The following L3MBTL4 variants were observed in gnomAD, a reference collection of about 807,000 sequenced individuals.
L3MBTL4 encodes the protein lethal(3)malignant brain tumor-like protein 4.
Under a neutral mutation model 84.5 loss-of-function variants are expected in L3MBTL4, and 70 were observed. The observed-to-expected ratio is 0.83, with a 90% CI of 0.68 to 1.01. The LOEUF is 1.01. L3MBTL4 is among the 50% of genes least tolerant of loss of function. The probability of loss-of-function intolerance (pLI) is 0.00; values close to 1 mark genes in which losing one functional copy is unlikely to be tolerated. For synonymous variants in L3MBTL4, 274 were observed against 259.8 expected (o/e 1.05, Z -0.52); for missense variants, 715 against 754.8 (o/e 0.95, Z 0.62).
At chr18:6,361,719 TC>T (rs2053701932) in intron 1 of L3MBTL4, among the ~76,000 whole-genome samples, 4 of 152,150 alleles carry the variant, frequency 2.6e-5, no homozygotes, top group Non-Finnish European at 5.9e-5. Flanking sequence ...CTGGCTGCAG[TC>T]CTATGCAGGG....
At chr18:6,302,233 C>CAGGG (rs1306717685) in intron 3 of L3MBTL4, among the ~76,000 whole-genome samples, 3 of 152,120 alleles carry the variant, frequency 2.0e-5, no homozygotes, top group Non-Finnish European at 4.4e-5. Flanking sequence ...ACACAGGTAC[C>CAGGG]TTCCCTGAGT....
intron 16 of L3MBTL4, among the ~76,000 whole-genome samples, chr18:6,018,656 A>G (rs2055109999): frequency 6.6e-6 from 1 of 152,250 alleles, no homozygotes; most frequent in Non-Finnish European, 1.5e-5. Flanking sequence ...TCTGAGGGCC[A>G]GTTGGAATTT....
chr18:6,348,167 AT>A (rs143333896), intron 1 of L3MBTL4, among the ~76,000 whole-genome samples: 7,093 of 152,116 alleles, frequency 0.047, 469 homozygotes, highest in African/African-American at 0.15. Context: ...AATGAAAAAA[AT>A]ACCATATATA....
In L3MBTL4 at chr18:6,238,060, T is replaced by C. The variant is rs749632324; in HGVS notation, c.708-20A>G. ...TCGCACCTGCAAAAACAGAGCTCTA[T>C]ATTACGTTCCGTTTTACTTCATGCC... is the stretch of plus-strand genomic sequence containing the variant. On this transcript the variant is annotated intron_variant, in intron 9 of 18. Transcript: ENST00000317931. 4.4e-6 allele frequency: 7 copies of C among 1,608,944 alleles called. No individual in the cohort carries two copies. The highest frequency in any genetic ancestry group is 5.1e-6 in the Non-Finnish European group (6 of 1,175,330).
intron 4 of L3MBTL4, among the ~76,000 whole-genome samples, chr18:6,299,002 AC>A (rs1304490155): frequency 2.0e-5 from 3 of 152,228 alleles, no homozygotes; most frequent in Admixed American, 6.5e-5. Context: ...CACTTGTTCA[AC>A]TGAATAAATC....
chr18:6,302,067 G>A, intron 3 of L3MBTL4, 110 bp from the exon 4 acceptor site: 1 of 914,650 alleles, frequency 1.1e-6, no homozygotes, highest in Non-Finnish European at 1.8e-6. Flanking sequence ...CCTCGTCACT[G>A]AGGCGGACAA....
intron 13 of L3MBTL4, among the ~76,000 whole-genome samples, chr18:6,159,908 C>T (rs1456133956): frequency 2.0e-5 from 3 of 152,146 alleles, no homozygotes; most frequent in East Asian, 1.9e-4. Flanking sequence ...TGTTTTTATT[C>T]CTACTTTAAA....
intron 12 of L3MBTL4, among the ~76,000 whole-genome samples, chr18:6,176,984 C>G (rs527667805): frequency 6.6e-6 from 1 of 152,186 alleles, no homozygotes; most frequent in African/African-American, 2.4e-5. Context: ...AATTTCCCAA[C>G]ATCAGTTACT....
intron 14 of L3MBTL4, among the ~76,000 whole-genome samples, chr18:6,124,135 C>A (rs887107224): frequency 1.3e-5 from 2 of 152,088 alleles, no homozygotes; most frequent in African/African-American, 4.8e-5. Flanking sequence ...TTAGAACATT[C>A]ATTCAAGTGA....
intron 17 of L3MBTL4, among the ~76,000 whole-genome samples, chr18:5,968,554 A>G (rs2052468372): frequency 6.6e-6 from 1 of 151,956 alleles, no homozygotes; most frequent in African/African-American, 2.4e-5. Context: ...AAAATTAGCT[A>G]GGTGTGGTGG....
intron 13 of L3MBTL4, among the ~76,000 whole-genome samples, chr18:6,165,119 G>A (rs766987229): frequency 2.0e-5 from 3 of 152,134 alleles, no homozygotes; most frequent in Non-Finnish European, 4.4e-5. Context: ...ACTAAGAAGA[G>A]AAGTTTAGAG....
chr18:6,131,965 T>C (rs1334062241), intron 14 of L3MBTL4, among the ~76,000 whole-genome samples: 3 of 152,158 alleles, frequency 2.0e-5, no homozygotes, highest in Non-Finnish European at 4.4e-5. Flanking sequence ...CATTTGTAAA[T>C]TGATTAACTG....
At chr18:6,039,665 T>G (rs2056311843) in intron 16 of L3MBTL4, among the ~76,000 whole-genome samples, 1 of 152,220 alleles carries the variant, frequency 6.6e-6, no homozygotes, top group Non-Finnish European at 1.5e-5. Context: ...TCCTGGGCCC[T>G]AAGCCTCTCA....
At chr18:6,335,882 T>C (rs541789274) in intron 1 of L3MBTL4, among the ~76,000 whole-genome samples, 32 of 152,334 alleles carry the variant, frequency 2.1e-4, no homozygotes, top group South Asian at 1.9e-3. Flanking sequence ...TTAAACCTCC[T>C]TTGTTTATAA....
At chr18:6,127,328 G>T (rs2059726485) in intron 14 of L3MBTL4, among the ~76,000 whole-genome samples, 1 of 152,166 alleles carries the variant, frequency 6.6e-6, no homozygotes, top group Non-Finnish European at 1.5e-5. Flanking sequence ...GTTAGTGGTA[G>T]TATATTTTGT....
intron 13 of L3MBTL4, among the ~76,000 whole-genome samples, chr18:6,147,832 C>A (rs1439716367): frequency 6.6e-6 from 1 of 152,182 alleles, no homozygotes; most frequent in Non-Finnish European, 1.5e-5. Flanking sequence ...CAGAAGACCA[C>A]TTCCTTAATA....
chr18:6,367,496 T>G (rs927279349), intron 1 of L3MBTL4: 1 of 152,300 alleles, frequency 6.6e-6, no homozygotes, highest in African/African-American at 2.4e-5. Context: ...CCACAGAGAA[T>G]GTCTTCACAC....
chr18:6,041,181 C>A (rs975161010), intron 16 of L3MBTL4, among the ~76,000 whole-genome samples: 4 of 152,220 alleles, frequency 2.6e-5, no homozygotes, highest in Non-Finnish European at 5.9e-5. Context: ...GGGCGGACTG[C>A]CCAGTACATG....
chr18:6,333,129 A>G (rs990078545), intron 1 of L3MBTL4, among the ~76,000 whole-genome samples: 2 of 150,808 alleles, frequency 1.3e-5, no homozygotes, highest in Non-Finnish European at 3.0e-5. Flanking sequence ...AAAAAAAAAC[A>G]TATGGCATTT....
Sources: gnomAD v4.1 joint callset for allele counts (sites outside exome capture counted in the v4.1 genomes callset) on GRCh38, gnomAD v4.1.1 for gene constraint, MANE v1.5 for transcripts, NCBI Gene and HGNC (gene_info 2026-07-23, HGNC 2026-07-21) for gene names.